The following ZNF839 variants were observed in gnomAD, a reference collection of about 807,000 sequenced individuals.
ZNF839 encodes renal carcinoma antigen NY-REN-50.
In ZNF839, 38 loss-of-function variants were observed where a neutral mutation model predicts 56.4. The ratio of observed to expected loss-of-function variants is 0.67; its 90% CI spans 0.52 to 0.88. The LOEUF is 0.88. ZNF839 is among the 40% of genes least tolerant of loss of function. ZNF839 has a pLI of 0.00. For synonymous variants in ZNF839, 486 were observed against 493.5 expected, an observed-to-expected ratio of 0.98 and a Z score of 0.20; for missense variants, 1,091 against 1,177.6, an observed-to-expected ratio of 0.93 and a Z score of 1.08.
At chr14:102,319,600 G>T (rs577407993), upstream of ZNF839, 173 of 993,956 alleles carry the variant, frequency 1.7e-4, no homozygotes, top group African/African-American at 2.7e-3. The surrounding 1 kb of genome is among the most constrained non-coding windows in gnomAD (Gnocchi z 4.5). Flanking sequence ...GAGCCGCGGC[G>T]GTTGTCGGCT....
chr14:102,336,174 C>CA (rs1160373390), intron 5 of ZNF839, among the ~76,000 whole-genome samples: 10 of 118,968 alleles, frequency 8.4e-5, no homozygotes, highest in Admixed American at 8.1e-4. Flanking sequence ...GACTCTGTCT[C>CA]AAAAAACAAA....
intron 1 of ZNF839, among the ~76,000 whole-genome samples, chr14:102,321,279 T>C (rs2073113420): frequency 6.6e-6 from 1 of 152,208 alleles, no homozygotes; most frequent in African/African-American, 2.4e-5. Context: ...AGCAGTGTTT[T>C]TGTACCGGCA....
intron 1 of ZNF839, among the ~76,000 whole-genome samples, chr14:102,325,298 C>T (rs1311459573): frequency 6.7e-6 from 1 of 148,540 alleles, no homozygotes; most frequent in South Asian, 2.1e-4. Context: ...GAGATCGCAC[C>T]ACTGCACTCT....
chr14:102,318,505 C>T (rs1472533666), upstream of ZNF839, among the ~76,000 whole-genome samples: 1 of 151,924 alleles, frequency 6.6e-6, no homozygotes, highest in African/African-American at 2.4e-5. Context: ...TGGTGGCGGA[C>T]GCCTGTAATC....
rs756254968 is a variant in ZNF839 at position 102,326,524 on chromosome 14, T to C, written c.828T>C (p.His276=). The C allele has an allele frequency of 1.9e-6, 3 of 1,614,010 alleles. No homozygotes were observed. The Middle Eastern group carries it at 4.9e-4, about 266-fold the overall frequency. ...FIKTEDLADG[H]LSDSDDYSEL... ...AAACAGAGGATCTGGCGGATGGTCATCTGTCAGATTCTGATGATTACTCAG... is the reference window on the plus strand; with the variant it reads ...AAACAGAGGATCTGGCGGATGGTCACCTGTCAGATTCTGATGATTACTCAG... Residue 276 remains histidine, a synonymous_variant, in exon 2 of 8, where the codon CAT becomes CAC. Coordinates refer to ENST00000442396, the MANE Select transcript of ZNF839 (RefSeq NM_018335.6). This position sits in a 1 kb window ranked among gnomAD's most constrained non-coding sequence, Gnocchi z 4.3.
At chr14:102,329,819 A>T (rs2073684565) in intron 2 of ZNF839, among the ~76,000 whole-genome samples, 2 of 126,830 alleles carry the variant, frequency 1.6e-5, no homozygotes, top group South Asian at 2.5e-4. Flanking sequence ...TTTGAGACGA[A>T]GTTTTGCTCT....
At position 102,342,043 on chromosome 14, in the gene ZNF839, C is replaced by T. The variant is rs1288666834; in HGVS notation, c.2648C>T (p.Ser883Phe). 3 of 1,614,016 alleles carry T rather than the reference C, an allele frequency of 1.9e-6. No homozygotes were observed. Among genetic ancestry groups the T allele is most frequent in the Admixed American group, 3.3e-5 (2 of 60,026 alleles). ...TCCAATGGGAGCCATGAGTTACTGT[C>T]TCAGGGACAGAAGCAGATTTTTATT... Reference protein sequence around the residue: ...EISNGSHELLSQGQKQIFIQT... With the variant: ...EISNGSHELLFQGQKQIFIQT... The change falls in exon 8 of 8, where the codon TCT (serine) becomes TTT (phenylalanine). Residue 883 changes from serine to phenylalanine, a missense_variant. Transcript: ENST00000442396.
Position 102,338,926 on chromosome 14 carries a change from A to G in ZNF839, c.1770A>G (p.Gly590=). The stretch of plus-strand genomic sequence containing the variant: ...ACATGGATGGGGAGCAGCTAGAGGG[A>G]GCTAGCAGCGAGAAGAGGGAACGTG... ...SRDMDGEQLE[G]ASSEKREREA... The change falls in exon 6 of 8, where the codon GGA becomes GGG. Residue 590 remains glycine, a synonymous_variant. Coordinates refer to ENST00000442396, the MANE Select transcript of ZNF839 (RefSeq NM_018335.6). 6.2e-7 allele frequency: 1 copy of G among 1,613,958 alleles called. No homozygotes were observed. The highest frequency in any genetic ancestry group is 8.5e-7 in the Non-Finnish European group (1 of 1,179,872).
upstream of ZNF839, chr14:102,319,709 G>A (rs1452375067): frequency 1.1e-5 from 14 of 1,222,716 alleles, no homozygotes; most frequent in East Asian, 3.9e-4. This position sits in a 1 kb window ranked among gnomAD's most constrained non-coding sequence, Gnocchi z 4.5. Flanking sequence ...CCTAGGTGAC[G>A]TACATTGGAG....
At chr14:102,318,884 T>C (rs1313794130), upstream of ZNF839, among the ~76,000 whole-genome samples, 1 of 152,174 alleles carries the variant, frequency 6.6e-6, no homozygotes, top group African/African-American at 2.4e-5. Flanking sequence ...GCACCTAGAC[T>C]GTATACCCCC....
chr14:102,341,126 T>A, intron 7 of ZNF839, 197 bp from the exon 8 acceptor site: 1 of 362,410 alleles, frequency 2.8e-6, no homozygotes, highest in East Asian at 4.9e-5. Flanking sequence ...ATATTTTTAA[T>A]ACAAAATCTG....
At chr14:102,319,568 C>A (rs560518680), upstream of ZNF839, 540 of 603,394 alleles carry the variant, frequency 8.9e-4, 4 homozygotes, top group African/African-American at 9.7e-3. The surrounding 1 kb of genome is among the most constrained non-coding windows in gnomAD (Gnocchi z 4.5). Context: ...TAAGGGGGGT[C>A]CGCTCTGCTG....
intron 7 of ZNF839, chr14:102,341,033 C>T (rs1311458032): frequency 5.6e-6 from 1 of 179,614 alleles, no homozygotes; most frequent in East Asian, 1.4e-4. Context: ...CGTGCCACTG[C>T]ACTCCAGCCT....
chr14:102,340,788 G>C (rs1252540874), intron 7 of ZNF839, among the ~76,000 whole-genome samples: 1 of 152,102 alleles, frequency 6.6e-6, no homozygotes, highest in African/African-American at 2.4e-5. Context: ...TAAAATCACT[G>C]TTGCTGGGTG....
At chr14:102,331,532 G>A (rs2073779879) in intron 2 of ZNF839, 90 bp from the exon 3 acceptor site, 1 of 1,175,608 alleles carries the variant, frequency 8.5e-7, no homozygotes, top group African/African-American at 1.5e-5. Flanking sequence ...TTTCAGGTGT[G>A]AGCCACGGCG....
Position 102,338,970 on chromosome 14 carries a change from T to A in ZNF839, c.1797+17T>A. 6.2e-7 allele frequency: 1 copy of A among 1,613,982 alleles called. No individual in the cohort carries two copies. Among genetic ancestry groups the A allele is most frequent in the African/African-American group, 1.3e-5 (1 of 75,054 alleles). On this transcript the variant is annotated intron_variant, in intron 6 of 7. Transcript: ENST00000442396. ...GAACGTGAGGTGGGCATGGCTGAAG[T>A]GGGTGCCAGGTGACTGTGCACGGTG... is the stretch of plus-strand genomic sequence containing the variant.
chr14:102,320,371 G>A (rs1225244306), intron 1 of ZNF839, among the ~76,000 whole-genome samples: 1 of 152,174 alleles, frequency 6.6e-6, no homozygotes, highest in African/African-American at 2.4e-5. Flanking sequence ...TTCACCGCTG[G>A]TTCAGCCTTT....
At position 102,342,231 on chromosome 14, in the gene ZNF839, C is replaced by T. The variant is rs980993038; in HGVS notation, c.*52C>T. The T allele has an allele frequency of 9.7e-6, 15 of 1,545,742 alleles. No individual in the cohort carries two copies. The highest frequency in any genetic ancestry group is 1.1e-5 in the Non-Finnish European group (13 of 1,145,900). On this transcript the variant is annotated 3_prime_UTR_variant, in exon 8 of 8. Coordinates refer to ENST00000442396, the MANE Select transcript of ZNF839 (RefSeq NM_018335.6). ...TCGGTCGTCACCGTGGAGCCAGAGC[C>T]CTCACAGTGAAGTGGAGTCAGATCC...
chr14:102,341,100 G>A (rs557921588), intron 7 of ZNF839: 82 of 276,244 alleles, frequency 3.0e-4, no homozygotes, highest in African/African-American at 1.8e-3. Context: ...GCACACTGTC[G>A]ATTGGCTCTT....
Sources: allele counts gnomAD v4.1 joint callset (sites outside exome capture counted in the v4.1 genomes callset), GRCh38; gene constraint gnomAD v4.1.1; non-coding constraint Gnocchi (gnomAD v3.1); transcripts MANE v1.5; gene names NCBI Gene and HGNC (gene_info 2026-07-23, HGNC 2026-07-21).